Variants in TAF4 observed in about 807,000 individuals in gnomAD.
TAF4 encodes the protein transcription initiation factor TFIID subunit 4.
A neutral mutation model predicts 90.3 loss-of-function variants in TAF4; 9 were observed. The observed-to-expected ratio is 0.10, with a 90% CI of 0.06 to 0.17. The LOEUF is 0.17. TAF4 is among the 10% of genes least tolerant of loss of function. TAF4 has a pLI of 1.00. For missense variants in TAF4, 1,351 were observed against 1,370.7 expected (o/e 0.99, Z 0.23); for synonymous variants, 818 against 638.9 (o/e 1.28, Z -4.23).
At chr20:61,980,933 A>C (rs2055537089) in intron 14 of TAF4, 1 of 152,604 alleles carries the variant, frequency 6.6e-6, no homozygotes, top group Non-Finnish European at 1.5e-5. Flanking sequence ...AGAGGTGTCC[A>C]GGAAGGTCAG....
chr20:62,037,081 C>A (rs914161054), intron 1 of TAF4, among the ~76,000 whole-genome samples: 1 of 152,206 alleles, frequency 6.6e-6, no homozygotes, highest in Non-Finnish European at 1.5e-5. Context: ...TTTGTTACAG[C>A]AGCCAGAATG....
In TAF4 at chr20:62,003,246, A is replaced by G; in HGVS notation, c.2400T>C (p.Pro800=). 6.2e-7 allele frequency: 1 copy of G among 1,614,198 alleles called. No individual in the cohort carries two copies. Among genetic ancestry groups the G allele is most frequent in the Admixed American group, 1.7e-5 (1 of 60,024 alleles). ...PVPVVKPAVL[P]GTKALSAVSA... ...AGACAGCAGAAAGGGCTTTGGTTCC[A>G]GGTAACACGGCGGGTTTCACCACAG... The change falls in exon 9 of 15, where the codon CCT becomes CCC. Residue 800 remains proline, a synonymous_variant. Coordinates refer to ENST00000252996, the MANE Select transcript of TAF4 (RefSeq NM_003185.4).
At chr20:62,027,502 T>C (rs562080308) in intron 1 of TAF4, among the ~76,000 whole-genome samples, 37 of 152,274 alleles carry the variant, frequency 2.4e-4, no homozygotes, top group South Asian at 1.2e-3. Flanking sequence ...AATGAACAGA[T>C]TGGAGAAAAG....
At chr20:61,979,843 C>CGA in intron 14 of TAF4, among the ~76,000 whole-genome samples, 1 of 151,788 alleles carries the variant, frequency 6.6e-6, no homozygotes, top group African/African-American at 2.4e-5. Flanking sequence ...CGTGCAGGCG[C>CGA]CGTGGCCACT....
At chr20:62,025,407 AAAAG>A (rs1207084188) in intron 1 of TAF4, among the ~76,000 whole-genome samples, 1 of 152,224 alleles carries the variant, frequency 6.6e-6, no homozygotes, top group African/African-American at 2.4e-5. Flanking sequence ...TTGAAGCCAG[AAAAG>A]AGAGAGTACA....
intron 14 of TAF4, among the ~76,000 whole-genome samples, chr20:61,991,893 C>T (rs1021262569): frequency 1.4e-4 from 22 of 151,954 alleles, no homozygotes; most frequent in South Asian, 2.1e-4. Context: ...GGAAGAAAAA[C>T]ACGTGGCCTA....
chr20:62,011,660 G>C (rs79116408), intron 3 of TAF4, among the ~76,000 whole-genome samples: 1 of 152,186 alleles, frequency 6.6e-6, no homozygotes, highest in East Asian at 1.9e-4. Flanking sequence ...AAGAGCCGGG[G>C]TTGCGGGGGG....
At chr20:62,015,534 G>A (rs28382041) in intron 1 of TAF4, among the ~76,000 whole-genome samples, 5,881 of 152,222 alleles carry the variant, frequency 0.039, 294 homozygotes, top group African/African-American at 0.12. Context: ...GTGAAGCCTC[G>A]GCAGACAGCC....
At chr20:62,063,306 C>T (rs1489562303) in intron 1 of TAF4, among the ~76,000 whole-genome samples, 2 of 152,202 alleles carry the variant, frequency 1.3e-5, no homozygotes, top group African/African-American at 2.4e-5. Context: ...ACCAATAGCT[C>T]CATTCAGAGA....
Position 62,007,673 on chromosome 20 carries a change from G to T in TAF4, c.1885-37C>A, listed in dbSNP as rs755495838. 2.6e-6 allele frequency: 4 copies of T among 1,556,698 alleles called. No homozygotes were observed. The Admixed American group carries it at 7.1e-5, about 27-fold the overall frequency. On this transcript the variant is annotated intron_variant, in intron 5 of 14. Coordinates refer to ENST00000252996, the MANE Select transcript of TAF4 (RefSeq NM_003185.4). ...AATCCATGTTGAAATTCTGGTGAAT[G>T]AGATTCCACACACACTTCTGAATCC...
chr20:61,999,905 C>A (rs370394347), intron 11 of TAF4, among the ~76,000 whole-genome samples: 10 of 152,190 alleles, frequency 6.6e-5, no homozygotes, highest in African/African-American at 2.2e-4. Context: ...GCCAAGACTG[C>A]GCCACTGAAC....
chr20:62,060,528 A>G (rs2056083736), intron 1 of TAF4, among the ~76,000 whole-genome samples: 1 of 152,236 alleles, frequency 6.6e-6, no homozygotes, highest in Non-Finnish European at 1.5e-5. Flanking sequence ...GGCGATGGTG[A>G]CGACCCCAGC....
chr20:62,000,577 A>C lies in TAF4; in HGVS notation c.2631T>G (p.Pro877=), dbSNP rs1378620435. The C allele has an allele frequency of 1.2e-6, 2 of 1,613,928 alleles. No homozygotes were observed. Among genetic ancestry groups the C allele is most frequent in the Non-Finnish European group, 1.7e-6 (2 of 1,179,910 alleles). Residue 877 remains proline, a synonymous_variant, in exon 10 of 15, where the codon CCT becomes CCG. Transcript: ENST00000252996. The stretch of plus-strand genomic sequence containing the variant: ...CTATTTCTAATATTCTTCTCTGCAA[A>C]GGCGCTTGGAGGAGGAAGGTTTCAT... ...CKDETFLLQA[P]LQRRILEIGK... is the part of the protein sequence containing the mutation.
chr20:62,028,540 C>T (rs1195696429), intron 1 of TAF4, among the ~76,000 whole-genome samples: 1 of 152,156 alleles, frequency 6.6e-6, no homozygotes, highest in Non-Finnish European at 1.5e-5. Context: ...TGGAACCATC[C>T]CGAGAACACT....
In TAF4 at chr20:61,976,330, C is replaced by G; in HGVS notation, c.3096G>C (p.Ser1032=). ...CPGPGSGAEG[S]GPGSVVPGSS... is the part of the protein sequence containing the mutation. The stretch of plus-strand genomic sequence containing the variant: ...TGCCTGGGACCACTGAGCCGGGGCC[C>G]GACCCCTGGTGATGAAAAAGGAGAA... The change falls in exon 15 of 15, where the codon TCG becomes TCC. Residue 1032 remains serine (S), a synonymous_variant. Transcript: ENST00000252996. The G allele has an allele frequency of 6.2e-7, 1 of 1,613,234 alleles. No individual in the cohort carries two copies. The highest frequency in any genetic ancestry group is 8.5e-7 in the Non-Finnish European group (1 of 1,179,998).
chr20:62,021,857 A>G (rs2055845406), intron 1 of TAF4, among the ~76,000 whole-genome samples: 2 of 152,172 alleles, frequency 1.3e-5, no homozygotes, highest in African/African-American at 4.8e-5. Flanking sequence ...AGAAAAAAAA[A>G]GACAGCCGGC....
intron 14 of TAF4, among the ~76,000 whole-genome samples, chr20:61,989,746 T>C (rs888019054): frequency 6.6e-6 from 1 of 151,336 alleles, no homozygotes. Context: ...CTGCAGTGAG[T>C]GAGTGAATGA....
chr20:62,063,833 G>A (rs2056104380), intron 1 of TAF4, among the ~76,000 whole-genome samples: 1 of 152,264 alleles, frequency 6.6e-6, no homozygotes, highest in Admixed American at 6.5e-5. Flanking sequence ...GGATGCGCCT[G>A]ACATCTCTCC....
At chr20:62,011,416 T>C (rs561783582) in intron 3 of TAF4, among the ~76,000 whole-genome samples, 81 of 152,250 alleles carry the variant, frequency 5.3e-4, no homozygotes, top group Non-Finnish European at 9.0e-4. Context: ...TGCCACTAAG[T>C]ATAATGCAAA....
Sources: gnomAD v4.1 joint callset for allele counts (sites outside exome capture counted in the v4.1 genomes callset) on GRCh38, gnomAD v4.1.1 for gene constraint, MANE v1.5 for transcripts, NCBI Gene and HGNC (gene_info 2026-07-23, HGNC 2026-07-21) for gene names.